The following DTWD2 variants were observed in gnomAD, a reference collection of about 807,000 sequenced individuals.
The protein encoded by DTWD2 is tRNA-uridine aminocarboxypropyltransferase 2.
A neutral mutation model predicts 31.8 loss-of-function variants in DTWD2; 39 were observed. That is an observed-to-expected ratio of 1.22 (90% confidence interval 0.95 to 1.60). DTWD2 has a LOEUF of 1.60. Among genes scored for constraint, DTWD2 ranks in the 40% most tolerant of loss-of-function variants. The probability of loss-of-function intolerance (pLI) is 0.00; values close to 1 mark genes in which losing one functional copy is unlikely to be tolerated. For synonymous variants in DTWD2, 180 were observed against 142.8 expected, an observed-to-expected ratio of 1.26 and a Z score of -1.86; for missense variants, 515 against 381.5, an observed-to-expected ratio of 1.35 and a Z score of -2.92.
chr5:118,866,270 C>G (rs1752378929), intron 4 of DTWD2, among the ~76,000 whole-genome samples: 1 of 151,956 alleles, frequency 6.6e-6, no homozygotes, highest in Non-Finnish European at 1.5e-5. Flanking sequence ...TACCAAAGAC[C>G]TTACAGTTTA....
chr5:118,984,061 C>T (rs113245965), intron 1 of DTWD2, among the ~76,000 whole-genome samples: 27 of 152,258 alleles, frequency 1.8e-4, no homozygotes, highest in East Asian at 3.9e-4. Context: ...CCAAGGCAGG[C>T]GGATCACCTG....
intron 4 of DTWD2, among the ~76,000 whole-genome samples, chr5:118,871,288 T>G (rs117218361): frequency 1.3e-5 from 2 of 152,082 alleles, no homozygotes; most frequent in Non-Finnish European, 2.9e-5. Flanking sequence ...TCCACGAGAG[T>G]TGGAATCAAC....
At chr5:118,866,934 T>A (rs1752394004) in intron 4 of DTWD2, among the ~76,000 whole-genome samples, 1 of 150,534 alleles carries the variant, frequency 6.6e-6, no homozygotes, top group African/African-American at 2.4e-5. Flanking sequence ...AAAATGAAAA[T>A]AAAAAAATAA....
intron 4 of DTWD2, among the ~76,000 whole-genome samples, chr5:118,862,140 T>C (rs1752274879): frequency 6.6e-6 from 1 of 152,204 alleles, no homozygotes; most frequent in Non-Finnish European, 1.5e-5. Flanking sequence ...ATGACAGGGA[T>C]CTAGGTTGCA....
At chr5:118,972,518 G>A (rs1299817814) in intron 1 of DTWD2, among the ~76,000 whole-genome samples, 1 of 152,136 alleles carries the variant, frequency 6.6e-6, no homozygotes. Flanking sequence ...AGGAAAGGAT[G>A]AATTTACAGC....
intron 1 of DTWD2, among the ~76,000 whole-genome samples, chr5:118,968,076 T>C (rs1754893902): frequency 6.6e-6 from 1 of 152,122 alleles, no homozygotes; most frequent in Non-Finnish European, 1.5e-5. Flanking sequence ...TATTAATTTG[T>C]AGCTAGTCTT....
At chr5:118,882,510 T>C (rs187084606) in intron 4 of DTWD2, among the ~76,000 whole-genome samples, 13 of 152,336 alleles carry the variant, frequency 8.5e-5, no homozygotes, top group South Asian at 4.1e-4. Flanking sequence ...ACATTTCCCT[T>C]CTGCACTGCC....
intron 4 of DTWD2, among the ~76,000 whole-genome samples, chr5:118,927,730 A>C (rs1249008129): frequency 6.6e-6 from 1 of 151,970 alleles, no homozygotes; most frequent in African/African-American, 2.4e-5. Context: ...AGAGTTTGAA[A>C]GAAGAATTTA....
At chr5:118,881,542 T>C (rs888401962) in intron 4 of DTWD2, among the ~76,000 whole-genome samples, 1 of 152,190 alleles carries the variant, frequency 6.6e-6, no homozygotes. Context: ...TCTTAGAGGA[T>C]GTATTAGTCT....
chr5:118,883,584 C>A (rs1752791817), intron 4 of DTWD2, among the ~76,000 whole-genome samples: 1 of 152,210 alleles, frequency 6.6e-6, no homozygotes, highest in Admixed American at 6.5e-5. Flanking sequence ...GAGGAGGCCT[C>A]AGGAAACTTA....
chr5:118,940,785 A>G (rs1320656012), intron 2 of DTWD2, among the ~76,000 whole-genome samples: 2 of 152,216 alleles, frequency 1.3e-5, no homozygotes, highest in African/African-American at 4.8e-5. Flanking sequence ...CTAGCTCCAC[A>G]GCCCTTAAGT....
chr5:118,962,790 AC>A (rs1287154032), intron 1 of DTWD2, among the ~76,000 whole-genome samples: 1 of 152,198 alleles, frequency 6.6e-6, no homozygotes, highest in African/African-American at 2.4e-5. Context: ...TTTTAGCCTA[AC>A]TTAAAGATGA....
At chr5:118,898,302 GCA>G (rs1753126034) in intron 4 of DTWD2, among the ~76,000 whole-genome samples, 1 of 151,968 alleles carries the variant, frequency 6.6e-6, no homozygotes, top group African/African-American at 2.4e-5. Context: ...TTGCTACTGG[GCA>G]AAAACAAAAA....
At chr5:118,982,278 T>C (rs74671297) in intron 1 of DTWD2, among the ~76,000 whole-genome samples, 4,215 of 152,340 alleles carry the variant, frequency 0.028, 168 homozygotes, top group African/African-American at 0.081. Flanking sequence ...AGAAAACTTC[T>C]ACCTATCGGA....
chr5:118,926,955 G>A (rs1580413962), intron 4 of DTWD2, among the ~76,000 whole-genome samples: 1 of 152,314 alleles, frequency 6.6e-6, no homozygotes, highest in East Asian at 1.9e-4. Flanking sequence ...AGTTCTAGAA[G>A]CTGGGAAGTC....
intron 4 of DTWD2, among the ~76,000 whole-genome samples, chr5:118,898,629 T>TG (rs1753135913): frequency 7.0e-6 from 1 of 142,124 alleles, no homozygotes; most frequent in Admixed American, 7.5e-5. Flanking sequence ...ACTGCACTCC[T>TG]GCCTGGGCAA....
chr5:118,896,134 A>G (rs1753079771), intron 4 of DTWD2, among the ~76,000 whole-genome samples: 1 of 152,210 alleles, frequency 6.6e-6, no homozygotes. Flanking sequence ...AATGTGAAAC[A>G]GCCACTGACA....
chr5:118,984,321 C>T (rs935318217), intron 1 of DTWD2, among the ~76,000 whole-genome samples: 1 of 151,194 alleles, frequency 6.6e-6, no homozygotes, highest in African/African-American at 2.4e-5. Context: ...CTTAGCCAGG[C>T]GTGGTGGCAG....
chr5:118,945,125 T>A (rs777347366), intron 1 of DTWD2, among the ~76,000 whole-genome samples: 1 of 152,218 alleles, frequency 6.6e-6, no homozygotes, highest in Non-Finnish European at 1.5e-5. Flanking sequence ...ACAGAGAACT[T>A]ACCAATTGTG....
Sources: gnomAD v4.1 joint callset for allele counts (sites outside exome capture counted in the v4.1 genomes callset) on GRCh38, gnomAD v4.1.1 for gene constraint, MANE v1.5 for transcripts, NCBI Gene and HGNC (gene_info 2026-07-23, HGNC 2026-07-21) for gene names.